Variants in TTC28 observed in about 807,000 individuals in gnomAD.
The protein encoded by TTC28 is tetratricopeptide repeat domain 28, also known as tetratricopeptide repeat protein 28.
A neutral mutation model predicts 198.0 loss-of-function variants in TTC28; 61 were observed. The observed-to-expected ratio is 0.31, with a 90% confidence interval of 0.25 to 0.38. The LOEUF (loss-of-function observed/expected upper bound fraction) is 0.38. TTC28 is among the 10% of genes least tolerant of loss of function. TTC28 has a pLI of 1.00. For synonymous variants in TTC28, 1,171 were observed against 1,297.8 expected, an observed-to-expected ratio of 0.90 and a Z score of 2.10; for missense variants, 2,678 against 3,164.0, an observed-to-expected ratio of 0.85 and a Z score of 3.69.
At chr22:28,027,581 G>C (rs1042668002) in intron 13 of TTC28, among the ~76,000 whole-genome samples, 1 of 152,238 alleles carries the variant, frequency 6.6e-6, no homozygotes, top group Admixed American at 6.5e-5. Context: ...CCCGGAGAGG[G>C]AAGCCCTTAC....
At chr22:28,206,276 G>A (rs1926397545) in intron 5 of TTC28, among the ~76,000 whole-genome samples, 1 of 152,098 alleles carries the variant, frequency 6.6e-6, no homozygotes, top group Non-Finnish European at 1.5e-5. Context: ...GTTAACAAAT[G>A]CTCTGGCCCC....
chr22:28,022,024 G>A (rs1569087725), intron 13 of TTC28, among the ~76,000 whole-genome samples: 1 of 152,224 alleles, frequency 6.6e-6, no homozygotes, highest in Non-Finnish European at 1.5e-5. Flanking sequence ...TGACTAATGA[G>A]TAAACAAAGA....
At chr22:28,066,258 T>C (rs1940740118) in intron 12 of TTC28, among the ~76,000 whole-genome samples, 2 of 151,884 alleles carry the variant, frequency 1.3e-5, no homozygotes, top group South Asian at 4.2e-4. Context: ...AACACATTAA[T>C]TACCTTACCT....
At chr22:28,069,860 G>A (rs188205953) in intron 12 of TTC28, among the ~76,000 whole-genome samples, 3 of 150,996 alleles carry the variant, frequency 2.0e-5, no homozygotes, top group South Asian at 2.1e-4. Flanking sequence ...ACCAAAGTAC[G>A]AAGAAGCAGA....
chr22:28,505,485 T>C (rs955852763), intron 2 of TTC28, among the ~76,000 whole-genome samples: 1 of 151,970 alleles, frequency 6.6e-6, no homozygotes, highest in Non-Finnish European at 1.5e-5. Flanking sequence ...CACCCAGGAA[T>C]GGCACAGAGC....
At chr22:28,669,751 T>C (rs940379421) in intron 1 of TTC28, among the ~76,000 whole-genome samples, 2 of 152,222 alleles carry the variant, frequency 1.3e-5, no homozygotes, top group African/African-American at 4.8e-5. Context: ...AACGTTCTTA[T>C]CTATCTTTAT....
chr22:28,101,747 T>G (rs1224711018), intron 8 of TTC28, among the ~76,000 whole-genome samples: 1 of 111,416 alleles, frequency 9.0e-6, no homozygotes, highest in African/African-American at 3.6e-5. Flanking sequence ...GGAGTAAGAA[T>G]CTAGCCTGGG....
chr22:28,603,101 A>T (rs1398702562), intron 2 of TTC28, among the ~76,000 whole-genome samples: 2 of 152,000 alleles, frequency 1.3e-5, no homozygotes, highest in Admixed American at 6.6e-5. Flanking sequence ...GGATGATCTC[A>T]ATCTCTTGAC....
chr22:28,298,326 T>C (rs2044943206), intron 3 of TTC28, among the ~76,000 whole-genome samples: 1 of 152,188 alleles, frequency 6.6e-6, no homozygotes, highest in Non-Finnish European at 1.5e-5. Flanking sequence ...ATTTTTTAAA[T>C]ATTTTTCCAG....
intron 12 of TTC28, among the ~76,000 whole-genome samples, chr22:28,038,155 T>C (rs1939444375): frequency 6.6e-6 from 1 of 152,174 alleles, no homozygotes; most frequent in South Asian, 2.1e-4. Flanking sequence ...CTTCACAGAA[T>C]TGGAGAAAAC....
At chr22:28,627,266 T>C (rs2051090668) in intron 2 of TTC28, among the ~76,000 whole-genome samples, 1 of 152,120 alleles carries the variant, frequency 6.6e-6, no homozygotes, top group South Asian at 2.1e-4. Flanking sequence ...AGCAACAATC[T>C]TCCAAGATAG....
intron 2 of TTC28, among the ~76,000 whole-genome samples, chr22:28,509,138 C>G (rs959246299): frequency 1.3e-5 from 2 of 151,166 alleles, no homozygotes; most frequent in African/African-American, 4.9e-5. Flanking sequence ...TTGCAGTGAG[C>G]TGAGATTGCA....
At chr22:28,497,772 CATT>C (rs964941461) in intron 2 of TTC28, among the ~76,000 whole-genome samples, 4 of 152,046 alleles carry the variant, frequency 2.6e-5, no homozygotes, top group Admixed American at 1.3e-4. Context: ...AAATAAGTAA[CATT>C]ATAATTCAAA....
At chr22:28,426,053 A>C (rs1248064091) in intron 2 of TTC28, among the ~76,000 whole-genome samples, 1 of 152,016 alleles carries the variant, frequency 6.6e-6, no homozygotes, top group Non-Finnish European at 1.5e-5. Context: ...TCTACTAAAA[A>C]TACAAAAATT....
chr22:28,312,034 C>CAAA (rs200319220), intron 2 of TTC28, among the ~76,000 whole-genome samples: 1 of 90,068 alleles, frequency 1.1e-5, no homozygotes. Flanking sequence ...AAATAGAAAG[C>CAAA]AAAAAAAAAA....
At chr22:28,654,987 T>G (rs2051621305) in intron 1 of TTC28, among the ~76,000 whole-genome samples, 1 of 152,250 alleles carries the variant, frequency 6.6e-6, no homozygotes, top group Non-Finnish European at 1.5e-5. Context: ...TTCTTTAGCT[T>G]TTTAGAGATT....
chr22:28,362,562 T>C (rs2046175836), intron 2 of TTC28, among the ~76,000 whole-genome samples: 1 of 151,906 alleles, frequency 6.6e-6, no homozygotes, highest in African/African-American at 2.4e-5. Context: ...CAGGCAGAGG[T>C]TGGAACAGTC....
intron 2 of TTC28, among the ~76,000 whole-genome samples, chr22:28,625,799 C>T (rs1003765656): frequency 2.6e-5 from 4 of 152,064 alleles, no homozygotes; most frequent in Non-Finnish European, 2.9e-5. Context: ...ACTTACCATA[C>T]ATCTATAGTA....
intron 2 of TTC28, among the ~76,000 whole-genome samples, chr22:28,481,963 A>C (rs1272637319): frequency 6.6e-6 from 1 of 152,200 alleles, no homozygotes; most frequent in East Asian, 1.9e-4. Context: ...CCAAAGGATT[A>C]GCATTTCTGA....
Sources: gnomAD v4.1 joint callset for allele counts (sites outside exome capture counted in the v4.1 genomes callset) on GRCh38, gnomAD v4.1.1 for gene constraint, MANE v1.5 for transcripts, NCBI Gene and HGNC (gene_info 2026-07-23, HGNC 2026-07-21) for gene names.